DMXL2: variants seen among roughly 807,000 people sequenced by gnomAD.
DMXL2 encodes the protein Dmx like 2.
Under a neutral mutation model 331.1 loss-of-function variants are expected in DMXL2, and 103 were observed. The observed-to-expected ratio is 0.31, with a 90% confidence interval of 0.27 to 0.37. DMXL2 has a LOEUF of 0.37. DMXL2 is among the 10% of genes least tolerant of loss of function. The pLI is 1.00. For synonymous variants in DMXL2, 1,281 were observed against 1,252.1 expected (o/e 1.02, Z -0.49); for missense variants, 3,171 against 3,642.9 (o/e 0.87, Z 3.33).
chr15:51,613,699 CT>C (rs2054119645), intron 1 of DMXL2, among the ~76,000 whole-genome samples: 1 of 152,078 alleles, frequency 6.6e-6, no homozygotes, highest in Admixed American at 6.5e-5. Flanking sequence ...TTTTTATTTG[CT>C]TTTTGCTTCT....
Position 51,547,411 on chromosome 15 carries a change from G to A in DMXL2, c.568-3C>T. 1 of 1,572,368 alleles carries A rather than the reference G, an allele frequency of 6.4e-7. No homozygotes were observed. The stretch of plus-strand genomic sequence containing the variant: ...CACACTTTCAAAAGACAATCATCCT[G>A]AAAAATACATAGGTCAATATAAAAT... On this transcript the variant is annotated splice_region_variant and splice_polypyrimidine_tract_variant and intron_variant, in intron 6 of 43. Transcript: ENST00000560891.
intron 2 of DMXL2, among the ~76,000 whole-genome samples, chr15:51,568,859 G>A (rs1045158158): frequency 7.9e-5 from 12 of 152,136 alleles, no homozygotes; most frequent in Non-Finnish European, 5.9e-5. Flanking sequence ...AGCTCCCAAC[G>A]AGATGGACAC....
chr15:51,474,223 G>A, intron 28 of DMXL2, 121 bp downstream of exon 28: 1 of 871,570 alleles, frequency 1.1e-6, no homozygotes. Context: ...GTCATAACAA[G>A]AGTGATTATA....
intron 19 of DMXL2, among the ~76,000 whole-genome samples, chr15:51,492,322 A>G (rs1170571649): frequency 1.3e-5 from 2 of 152,244 alleles, no homozygotes; most frequent in Non-Finnish European, 2.9e-5. Context: ...CTAGCCATGG[A>G]GCTAAATATC....
chr15:51,459,483 CTA>C, intron 34 of DMXL2, 113 bp downstream of exon 34: 1 of 792,548 alleles, frequency 1.3e-6, no homozygotes, highest in Non-Finnish European at 1.8e-6. Context: ...TATGGGAGTA[CTA>C]TGAGTTCTCT....
In DMXL2 at chr15:51,459,286, T is replaced by C. The variant is rs1050868628; in HGVS notation, c.7989+312A>G. 2.3e-5 allele frequency: 5 copies of C among 213,544 alleles called. 1 individual carries two copies. Among genetic ancestry groups the C allele is most frequent in the Non-Finnish European group, 4.9e-5 (5 of 102,350 alleles). The allele number at this position is 213,544 out of a possible 1,614,324, so 13.2% of individuals were successfully genotyped here. A position where few individuals can be genotyped will look rare whatever the true frequency, so the allele number is the denominator to read the frequency against. On this transcript the variant is annotated intron_variant, in intron 34 of 43. Coordinates refer to ENST00000560891, the MANE Select transcript of DMXL2 (RefSeq NM_001378457.1). ...ATAAAAGAGACTGATGAGAGGAAGA[T>C]GCAATGGCTTAGGGTTGGTGATGGG...
At chr15:51,610,030 G>A (rs11070862) in intron 1 of DMXL2, among the ~76,000 whole-genome samples, 72,830 of 151,954 alleles carry the variant, frequency 0.48, 17,815 homozygotes, top group Non-Finnish European at 0.52. Context: ...CATCTTCATT[G>A]TTAATCAATG....
At position 51,521,414 on chromosome 15, in the gene DMXL2, C is replaced by CTAGTAGTAGTAG. The variant is rs10667947; in HGVS notation, c.2437-4259_2437-4248dup. 7.7e-3 allele frequency among the ~76,000 whole-genome samples: 1,090 copies of CTAGTAGTAGTAG among 141,996 alleles called. 3 individuals are homozygous for CTAGTAGTAGTAG. Among genetic ancestry groups the CTAGTAGTAGTAG allele is most frequent in the African/African-American group, 0.014 (540 of 37,862 alleles). The allele number at this position is 141,996 out of a possible 152,430, so 93.2% of individuals were successfully genotyped here. On this transcript the variant is annotated intron_variant, in intron 13 of 43. Transcript: ENST00000560891. ...ACAATAATCACTAGATAAAAGTTTG[C>CTAGTAGTAGTAG]TAGTAGTAGTAGTAGTAGTAGTAGT...
At chr15:51,565,375 T>G (rs550852162) in intron 3 of DMXL2, among the ~76,000 whole-genome samples, 21 of 152,302 alleles carry the variant, frequency 1.4e-4, no homozygotes, top group African/African-American at 5.1e-4. Context: ...ATTGAGCTCC[T>G]TGCCATGCCC....
In DMXL2 at chr15:51,499,299, T is replaced by A. The variant is rs1464394388; in HGVS notation, c.3925A>T (p.Lys1309Ter). The change falls in exon 18 of 44, where the codon AAA becomes TAA. Residue 1309 changes from lysine to a stop codon, truncating the protein, a stop_gained. Transcript: ENST00000560891. LOFTEE classifies it high-confidence loss of function. ...ATAGCTGTTCCTTCAACAACACTTT[T>A]TCTTGCCAGCATATTAGATTTAAAG... is the stretch of plus-strand genomic sequence containing the variant. ...STFKSNMLARKSVVEGTAISD... is the reference protein window; with the variant it reads ...STFKSNMLAR 1 of 1,613,852 alleles carries A rather than the reference T, an allele frequency of 6.2e-7. No homozygotes were observed. The highest frequency in any genetic ancestry group is 1.3e-5 in the African/African-American group (1 of 74,920).
intron 15 of DMXL2, among the ~76,000 whole-genome samples, chr15:51,508,196 G>C (rs1164581764): frequency 1.3e-5 from 2 of 152,232 alleles, no homozygotes; most frequent in East Asian, 3.9e-4. Flanking sequence ...GGGCTAGGAA[G>C]GGGAAAGAAT....
intron 27 of DMXL2, among the ~76,000 whole-genome samples, chr15:51,475,426 G>A (rs1294117997): frequency 3.9e-5 from 6 of 151,990 alleles, no homozygotes; most frequent in East Asian, 1.9e-4. Flanking sequence ...CCCAGGAGGC[G>A]GAAGTTGCAG....
chr15:51,489,628 C>G (rs1038562659), intron 20 of DMXL2, among the ~76,000 whole-genome samples: 1 of 151,196 alleles, frequency 6.6e-6, no homozygotes, highest in Non-Finnish European at 1.5e-5. Context: ...GCAATCCAGC[C>G]TGGGCGACAG....
At chr15:51,565,715 T>C (rs2050224968) in intron 3 of DMXL2, among the ~76,000 whole-genome samples, 1 of 152,220 alleles carries the variant, frequency 6.6e-6, no homozygotes, top group African/African-American at 2.4e-5. Context: ...AGATGTTAAA[T>C]GTTTACATAT....
At chr15:51,579,692 T>C (rs1392332287) in intron 1 of DMXL2, among the ~76,000 whole-genome samples, 3 of 152,212 alleles carry the variant, frequency 2.0e-5, no homozygotes, top group African/African-American at 4.8e-5. Context: ...TGACACTGCC[T>C]TGTTGCTAAT....
intron 23 of DMXL2, among the ~76,000 whole-genome samples, chr15:51,482,761 A>G (rs2042106229): frequency 6.6e-6 from 1 of 152,250 alleles, no homozygotes; most frequent in South Asian, 2.1e-4. Context: ...CATTTGTGAA[A>G]GAACAATCTG....
intron 1 of DMXL2, among the ~76,000 whole-genome samples, chr15:51,614,413 A>G (rs2054163935): frequency 6.6e-6 from 1 of 152,228 alleles, no homozygotes; most frequent in Non-Finnish European, 1.5e-5. Context: ...CTAATTCATT[A>G]TATACTTAAG....
intron 1 of DMXL2, among the ~76,000 whole-genome samples, chr15:51,590,818 C>G (rs1436451346): frequency 6.6e-6 from 1 of 152,190 alleles, no homozygotes; most frequent in African/African-American, 2.4e-5. Flanking sequence ...AAAATACACA[C>G]AGGATCCTGC....
intron 11 of DMXL2, 128 bp downstream of exon 11, chr15:51,537,360 A>G (rs2048344131): frequency 3.7e-6 from 3 of 804,988 alleles, no homozygotes; most frequent in Non-Finnish European, 5.7e-6. Flanking sequence ...AGAAAGAAGT[A>G]TTCTTTACTC....
Sources: gnomAD v4.1 joint callset for allele counts (sites outside exome capture counted in the v4.1 genomes callset) on GRCh38, gnomAD v4.1.1 for gene constraint, MANE v1.5 for transcripts, NCBI Gene and HGNC (gene_info 2026-07-23, HGNC 2026-07-21) for gene names.